PAM: variants seen among roughly 807,000 people sequenced by gnomAD.
PAM encodes the protein peptidyl-glycine alpha-amidating monooxygenase.
PAM carries 72 observed loss-of-function variants against 122.1 expected under a neutral mutation model. The ratio of observed to expected loss-of-function variants is 0.59; its 90% CI spans 0.49 to 0.72. The LOEUF (loss-of-function observed/expected upper bound fraction) is 0.72. PAM is among the 30% of genes least tolerant of loss of function. The pLI, the probability that PAM is intolerant of heterozygous loss-of-function variation, is 0.00. For synonymous variants in PAM, 389 were observed against 404.4 expected (o/e 0.96, Z 0.46); for missense variants, 1,106 against 1,183.7 (o/e 0.93, Z 0.96).
intron 1 of PAM, among the ~76,000 whole-genome samples, chr5:102,844,249 T>C (rs1168385095): frequency 1.3e-5 from 2 of 152,270 alleles, no homozygotes; most frequent in East Asian, 3.9e-4. Flanking sequence ...CTTGAAACAA[T>C]AAGCTTTTTG....
At chr5:102,828,309 C>G (rs1344164669) in intron 1 of PAM, among the ~76,000 whole-genome samples, 3 of 151,544 alleles carry the variant, frequency 2.0e-5, no homozygotes, top group Non-Finnish European at 4.4e-5. Context: ...GATCTTGCCA[C>G]TGCACTCCAG....
chr5:103,003,341 A>G (rs2151009923), intron 17 of PAM, among the ~76,000 whole-genome samples, 192 bp downstream of exon 17: 1 of 152,330 alleles, frequency 6.6e-6, no homozygotes, highest in South Asian at 2.1e-4. Flanking sequence ...TCATCTGGGA[A>G]GCTTCAAAAT....
At chr5:102,924,738 C>CA (rs754344958) in intron 5 of PAM, among the ~76,000 whole-genome samples, 3,491 of 135,352 alleles carry the variant, frequency 0.026, 92 homozygotes, top group African/African-American at 0.076. Flanking sequence ...TCATATCAGG[C>CA]AAAAAAAAAA....
intron 1 of PAM, among the ~76,000 whole-genome samples, chr5:102,818,731 T>C (rs1404586969): frequency 1.3e-5 from 2 of 152,202 alleles, no homozygotes; most frequent in South Asian, 2.1e-4. Context: ...TTGTTATATG[T>C]GTGGCCTTTT....
intron 12 of PAM, among the ~76,000 whole-genome samples, chr5:102,955,703 T>C (rs1205808731): frequency 6.6e-6 from 1 of 152,010 alleles, no homozygotes; most frequent in East Asian, 1.9e-4. Flanking sequence ...CACACTGGCA[T>C]TGGAGAATGT....
chr5:102,885,156 C>G (rs747692376), intron 3 of PAM, among the ~76,000 whole-genome samples: 5 of 150,586 alleles, frequency 3.3e-5, no homozygotes, highest in Non-Finnish European at 5.9e-5. Flanking sequence ...AACAAAACAA[C>G]AAACTCCTAA....
At chr5:102,865,272 G>T (rs1223586256) in intron 1 of PAM, 1 of 152,196 alleles carries the variant, frequency 6.6e-6, no homozygotes, top group Non-Finnish European at 1.5e-5. Flanking sequence ...GGGAGCTCTT[G>T]GTAGGAGATA....
At chr5:102,988,558 A>T (rs763077188) in intron 15 of PAM, among the ~76,000 whole-genome samples, 7 of 151,986 alleles carry the variant, frequency 4.6e-5, no homozygotes, top group Non-Finnish European at 1.0e-4. Context: ...ACGCTTAGGG[A>T]ATAGTTGTTG....
intron 1 of PAM, among the ~76,000 whole-genome samples, chr5:102,831,075 TAAA>T (rs61309339): frequency 0.68 from 103,259 of 151,818 alleles, 35,354 homozygotes; most frequent in South Asian, 0.82. Context: ...TTGGAGGCCA[TAAA>T]TTTGACATCC....
chr5:103,000,566 A>G (rs929345436), intron 16 of PAM, among the ~76,000 whole-genome samples: 9 of 152,132 alleles, frequency 5.9e-5, no homozygotes, highest in African/African-American at 2.2e-4. Context: ...GTTCCTTCTC[A>G]CACTGCTAAT....
intron 7 of PAM, among the ~76,000 whole-genome samples, chr5:102,931,826 CTCTCTCTG>C (rs1751636100): frequency 6.6e-6 from 1 of 151,940 alleles, no homozygotes; most frequent in Non-Finnish European, 1.5e-5. Context: ...CTCTCTCTCT[CTCTCTCTG>C]TCTCTCTCGG....
At chr5:102,969,178 G>GGATACCT (rs1765050101) in intron 14 of PAM, among the ~76,000 whole-genome samples, 1 of 151,580 alleles carries the variant, frequency 6.6e-6, no homozygotes, top group Non-Finnish European at 1.5e-5. Context: ...CATGGCACGT[G>GGATACCT]GATACCTATG....
rs141446591 is a variant in PAM, at chr5:102,905,823, A to T, written c.268+4410A>T. 9.9e-5 allele frequency among the ~76,000 whole-genome samples: 15 copies of T among 151,796 alleles called. No homozygotes were observed. The East Asian group carries it at 2.9e-3, about 30-fold the overall frequency. ...CTGTCTTCAACTAGGACTTCTTTCA[A>T]ACATAAATAATGAGTAGTCTCTGTC... On this transcript the variant is annotated intron_variant, in intron 4 of 25. Transcript: ENST00000438793.
chr5:102,949,769 G>GT, intron 10 of PAM, 133 bp from the exon 11 acceptor site: 3 of 681,200 alleles, frequency 4.4e-6, no homozygotes, highest in Non-Finnish European at 7.8e-6. Context: ...TTATCATATT[G>GT]TTTTTTTAAG....
intron 1 of PAM, among the ~76,000 whole-genome samples, chr5:102,797,816 T>C (rs1763753055): frequency 1.3e-5 from 2 of 152,142 alleles, no homozygotes; most frequent in Admixed American, 1.3e-4. Context: ...GCCTTCCACC[T>C]TTCCTGTATG....
intron 24 of PAM, 63 bp downstream of exon 24, chr5:103,025,397 C>A: frequency 1.5e-6 from 2 of 1,318,430 alleles, no homozygotes; most frequent in Non-Finnish European, 2.2e-6. Context: ...GCCTAATTAT[C>A]CTCAGGAGTT....
At chr5:102,820,720 C>G (rs935099000) in intron 1 of PAM, among the ~76,000 whole-genome samples, 2 of 152,116 alleles carry the variant, frequency 1.3e-5, no homozygotes, top group Non-Finnish European at 2.9e-5. Context: ...GGTTGGAATT[C>G]TACCTTCCCT....
chr5:102,775,430 T>C (rs754681150), intron 1 of PAM, among the ~76,000 whole-genome samples: 1 of 152,134 alleles, frequency 6.6e-6, no homozygotes, highest in Non-Finnish European at 1.5e-5. Flanking sequence ...GCTTCACCTA[T>C]CAACCCATCA....
intron 5 of PAM, among the ~76,000 whole-genome samples, chr5:102,918,742 T>C (rs1746354098): frequency 6.6e-6 from 1 of 152,068 alleles, no homozygotes; most frequent in Non-Finnish European, 1.5e-5. Context: ...GTGCTCTCTT[T>C]TTTAAATATG....
Sources: gnomAD v4.1 joint callset for allele counts (sites outside exome capture counted in the v4.1 genomes callset) on GRCh38, gnomAD v4.1.1 for gene constraint, MANE v1.5 for transcripts, NCBI Gene and HGNC (gene_info 2026-07-23, HGNC 2026-07-21) for gene names.